NFIA: variants seen among roughly 807,000 people sequenced by gnomAD.
NFIA encodes nuclear factor I A, also known as nuclear factor 1 A-type.
Under a neutral mutation model 62.8 loss-of-function variants are expected in NFIA, and 8 were observed. The observed-to-expected ratio is 0.13, with a 90% CI of 0.07 to 0.23. NFIA has a LOEUF of 0.23. NFIA is among the 10% of genes least tolerant of loss of function. The pLI, the probability that NFIA is intolerant of heterozygous loss-of-function variation, is 1.00. For missense variants in NFIA, 410 were observed against 642.1 expected, an observed-to-expected ratio of 0.64 and a Z score of 3.91; for synonymous variants, 235 against 238.1, an observed-to-expected ratio of 0.99 and a Z score of 0.12.
At chr1:61,298,409 G>C (rs1659310270) in intron 3 of NFIA, among the ~76,000 whole-genome samples, 1 of 152,080 alleles carries the variant, frequency 6.6e-6, no homozygotes. Context: ...CTATAGCAGT[G>C]TGAAAATGGA....
chr1:61,306,080 G>T (rs1178135764), intron 3 of NFIA, among the ~76,000 whole-genome samples: 1 of 151,600 alleles, frequency 6.6e-6, no homozygotes. Flanking sequence ...TCAATCTCCT[G>T]ACCTCGTGAT....
chr1:61,450,383 A>G lies in NFIA; in HGVS notation c.1513-4920A>G, dbSNP rs542527886. Among the ~76,000 whole-genome samples, 3 of 152,314 alleles carry G rather than the reference A, an allele frequency of 2.0e-5. No homozygotes were observed. The South Asian group carries it at 6.2e-4, about 32-fold the overall frequency. ...TTGCCAAGGACAACTCATTTGGGCT[A>G]AACAGTAGGCTTTAGTCCATCCACA... On this transcript the variant is annotated intron_variant, in intron 10 of 10. Transcript: ENST00000403491.
At chr1:61,408,704 T>A (rs1239597680) in intron 9 of NFIA, among the ~76,000 whole-genome samples, 4 of 152,178 alleles carry the variant, frequency 2.6e-5, no homozygotes, top group African/African-American at 9.7e-5. Flanking sequence ...GAAATAGTAA[T>A]GTGTGGCTGT....
chr1:61,285,807 C>G (rs533334775), intron 3 of NFIA, among the ~76,000 whole-genome samples: 29 of 152,026 alleles, frequency 1.9e-4, no homozygotes, highest in Admixed American at 6.5e-4. Context: ...GGTGAATATC[C>G]AAAAAGAGAA....
intron 2 of NFIA, among the ~76,000 whole-genome samples, chr1:61,265,297 A>G (rs1657088619): frequency 6.6e-6 from 1 of 152,236 alleles, no homozygotes; most frequent in Non-Finnish European, 1.5e-5. Flanking sequence ...ACTGCAATTA[A>G]TTTTAAATAA....
Position 61,088,744 on chromosome 1 carries a change from C to T in NFIA, c.559+64C>T. ...TGTGTTTCTTTCCTGATGGCCTCCG[C>T]GTTATGCCGGATTCTTCCTGAGCTC... On this transcript the variant is annotated intron_variant, in intron 2 of 10. Transcript: ENST00000403491. This position sits in a 1 kb window ranked among gnomAD's most constrained non-coding sequence, Gnocchi z 4.5. 19 of 1,524,542 alleles carry T rather than the reference C, an allele frequency of 1.2e-5. No homozygotes were observed. In the South Asian group the frequency reaches 1.9e-4, roughly 15 times the overall value. 94.4% of individuals were successfully genotyped at this position (1,524,542 alleles called of 1,614,324 possible).
chr1:61,425,046 A>G (rs1218846134), intron 9 of NFIA, among the ~76,000 whole-genome samples: 1 of 152,200 alleles, frequency 6.6e-6, no homozygotes, highest in Non-Finnish European at 1.5e-5. Context: ...ATCCTCCTAA[A>G]ACAAATACTA....
intron 2 of NFIA, among the ~76,000 whole-genome samples, chr1:61,108,352 A>G (rs1436272071): frequency 1.3e-5 from 2 of 151,616 alleles, no homozygotes; most frequent in Non-Finnish European, 3.0e-5. Flanking sequence ...ACTTTTGTGA[A>G]GCTGCTTTTG....
intron 2 of NFIA, among the ~76,000 whole-genome samples, chr1:61,184,720 G>A (rs1392786358): frequency 6.6e-6 from 1 of 152,204 alleles, no homozygotes; most frequent in Non-Finnish European, 1.5e-5. Context: ...AAGAGAGCAG[G>A]AACTCAGAGG....
intron 6 of NFIA, among the ~76,000 whole-genome samples, chr1:61,367,805 A>G (rs1663669906): frequency 6.6e-6 from 1 of 152,078 alleles, no homozygotes; most frequent in African/African-American, 2.4e-5. Flanking sequence ...ACACACACAC[A>G]TATACTCTGT....
At chr1:61,421,338 A>G (rs1216131778) in intron 9 of NFIA, among the ~76,000 whole-genome samples, 1 of 152,172 alleles carries the variant, frequency 6.6e-6, no homozygotes, top group Non-Finnish European at 1.5e-5. Flanking sequence ...GTGTTGAAAT[A>G]TCTCTTGGAG....
intron 2 of NFIA, among the ~76,000 whole-genome samples, chr1:61,154,477 G>T (rs111676303): frequency 1.3e-5 from 2 of 152,018 alleles, no homozygotes; most frequent in Non-Finnish European, 1.5e-5. Flanking sequence ...TTGAGACAGG[G>T]TCTTACTCTG....
rs1648784840 is a variant in NFIA, at chr1:61,155,875, G to A, written c.559+67195G>A. 2.0e-5 allele frequency among the ~76,000 whole-genome samples: 3 copies of A among 152,090 alleles called. No homozygotes were observed. In the South Asian group the frequency reaches 6.2e-4, roughly 32 times the overall value. On this transcript the variant is annotated intron_variant, in intron 2 of 10. Coordinates refer to ENST00000403491, the MANE Select transcript of NFIA (RefSeq NM_001134673.4). Reference sequence around the variant, plus strand: ...ACCTTGGCTGGGCGCGGTGGCTCACGCCTGTAATCGCAGCACTTTGGGAGG... The same window carrying A: ...ACCTTGGCTGGGCGCGGTGGCTCACACCTGTAATCGCAGCACTTTGGGAGG...
At chr1:61,078,287 G>A (rs961979834), upstream of NFIA, among the ~76,000 whole-genome samples, 1 of 152,078 alleles carries the variant, frequency 6.6e-6, no homozygotes, top group Non-Finnish European at 1.5e-5. Context: ...CTGATCGGGG[G>A]AGTTTTGCAT....
At chr1:61,287,148 C>T (rs1156418552) in intron 3 of NFIA, among the ~76,000 whole-genome samples, 1 of 152,144 alleles carries the variant, frequency 6.6e-6, no homozygotes, top group Non-Finnish European at 1.5e-5. Context: ...TCCTGATCCC[C>T]TACACTGTGA....
At chr1:61,404,402 A>C in intron 8 of NFIA, 120 bp downstream of exon 8, 2 of 1,005,672 alleles carry the variant, frequency 2.0e-6, no homozygotes, top group Non-Finnish European at 2.9e-6. Context: ...GACTGCAGGC[A>C]AATGTCATAT....
intron 2 of NFIA, among the ~76,000 whole-genome samples, chr1:61,265,959 T>C (rs1009445175): frequency 2.0e-5 from 3 of 152,246 alleles, no homozygotes; most frequent in East Asian, 1.9e-4. Context: ...ATTGCACTTA[T>C]GATCAGCAGC....
chr1:61,448,197 A>G (rs1356897395), intron 10 of NFIA, among the ~76,000 whole-genome samples: 1 of 151,734 alleles, frequency 6.6e-6, no homozygotes, highest in Admixed American at 6.6e-5. Context: ...CAAGGCGTGC[A>G]GTTTAGCCTT....
chr1:61,213,729 C>T (rs1653411254), intron 2 of NFIA, among the ~76,000 whole-genome samples: 1 of 152,158 alleles, frequency 6.6e-6, no homozygotes, highest in Non-Finnish European at 1.5e-5. Context: ...TTCTCCCTAG[C>T]ATTTACCAAC....
Sources: allele counts gnomAD v4.1 joint callset (sites outside exome capture counted in the v4.1 genomes callset), GRCh38; gene constraint gnomAD v4.1.1; non-coding constraint Gnocchi (gnomAD v3.1); transcripts MANE v1.5; gene names NCBI Gene and HGNC (gene_info 2026-07-23, HGNC 2026-07-21).